The following STRIP2 variants were observed in gnomAD, a reference collection of about 807,000 sequenced individuals.
STRIP2 encodes the protein striatin-interacting protein 2.
STRIP2 carries 84 observed loss-of-function variants against 107.1 expected under a neutral mutation model. That is an observed-to-expected ratio of 0.78 (90% confidence interval 0.66 to 0.94). STRIP2 has a LOEUF of 0.94. Among genes scored for constraint, STRIP2 ranks in the 40% least tolerant of loss-of-function variants. STRIP2 has a pLI of 0.00. For synonymous variants in STRIP2, 394 were observed against 400.4 expected, an observed-to-expected ratio of 0.98 and a Z score of 0.19; for missense variants, 888 against 1,034.2, an observed-to-expected ratio of 0.86 and a Z score of 1.94.
chr7:129,441,899 AGCCACCACACCTG>A (rs1280501840), intron 2 of STRIP2, among the ~76,000 whole-genome samples: 2 of 152,198 alleles, frequency 1.3e-5, no homozygotes, highest in Non-Finnish European at 2.9e-5. Flanking sequence ...TACAGGTGTG[AGCCACCACACCTG>A]GCCTCAACAT....
rs1491462474 is a variant in STRIP2, at chr7:129,472,775, C to CTTTTTTTTTTTTTTTTTTTTTTT, written c.1944+2060_1944+2061insTTTTTTTTTTTTTTTTTTTTTTT. On this transcript the variant is annotated intron_variant, in intron 18 of 20. Coordinates refer to ENST00000249344, the MANE Select transcript of STRIP2 (RefSeq NM_020704.3). The stretch of plus-strand genomic sequence containing the variant: ...AATATATAGAATTTTCTTTTCTTTT[C>CTTTTTTTTTTTTTTTTTTTTTTT]CTTTTTTTTTTTTTTTTTTTTTTTT... Among the ~76,000 whole-genome samples the CTTTTTTTTTTTTTTTTTTTTTTT allele has an allele frequency of 3.2e-4, 22 of 68,904 alleles. 11 individuals are homozygous for CTTTTTTTTTTTTTTTTTTTTTTT. Among genetic ancestry groups the CTTTTTTTTTTTTTTTTTTTTTTT allele is most frequent in the Admixed American group, 4.6e-4 (2 of 4,320 alleles). The allele number at this position is 68,904 out of a possible 152,430, so 45.2% of individuals were successfully genotyped here.
At chr7:129,437,798 CTTGTTTTTTTTTGTT>C (rs1797783814) in intron 1 of STRIP2, among the ~76,000 whole-genome samples, 1 of 93,728 alleles carries the variant, frequency 1.1e-5, no homozygotes, top group Non-Finnish European at 2.3e-5. Flanking sequence ...CATGATTCGC[CTTGTTTTTTTTTGTT>C]TTTTTTTTTT....
At chr7:129,452,525 G>A (rs1263029252) in intron 4 of STRIP2, among the ~76,000 whole-genome samples, 2 of 152,206 alleles carry the variant, frequency 1.3e-5, no homozygotes, top group African/African-American at 4.8e-5. Context: ...CCAACTGCCA[G>A]TACCTTCATA....
At chr7:129,477,379 A>C (rs1043574022) in intron 18 of STRIP2, among the ~76,000 whole-genome samples, 4 of 152,190 alleles carry the variant, frequency 2.6e-5, no homozygotes, top group Non-Finnish European at 5.9e-5. Flanking sequence ...TCCACTTTCC[A>C]TGAGGTATTT....
chr7:129,445,449 C>T (rs1467056602), intron 3 of STRIP2, among the ~76,000 whole-genome samples: 1 of 151,976 alleles, frequency 6.6e-6, no homozygotes, highest in Non-Finnish European at 1.5e-5. Context: ...GCCAGCAGAA[C>T]GTAATGTCAC....
intron 1 of STRIP2, 98 bp downstream of exon 1, chr7:129,434,699 C>G (rs1797683860): frequency 6.7e-6 from 9 of 1,334,732 alleles, no homozygotes; most frequent in Non-Finnish European, 8.7e-6. Context: ...GCCCTCGGCG[C>G]GCTCGATCAG....
At chr7:129,436,859 A>G (rs1797754815) in intron 1 of STRIP2, among the ~76,000 whole-genome samples, 1 of 152,110 alleles carries the variant, frequency 6.6e-6, no homozygotes, top group South Asian at 2.1e-4. Flanking sequence ...GAACATCCCA[A>G]CCTAAAAAGG....
chr7:129,449,355 G>C (rs1420310393), intron 3 of STRIP2, among the ~76,000 whole-genome samples: 1 of 152,168 alleles, frequency 6.6e-6, no homozygotes. Context: ...GGCCTGCCAG[G>C]ACTTTCGTCT....
intron 4 of STRIP2, among the ~76,000 whole-genome samples, chr7:129,452,645 C>T (rs561161622): frequency 2.0e-5 from 3 of 152,312 alleles, no homozygotes; most frequent in African/African-American, 7.2e-5. Context: ...CTCCAGCCTC[C>T]TAAGTAGCTA....
In STRIP2 at chr7:129,456,600, A is replaced by G. The variant is rs1302527824; in HGVS notation, c.996A>G (p.Ala332=). ...TTGACCTGGGAGAGTCTCAGCTGGC[A>G]CCCCCACCCTCCAAGCTGCGAGGCC... ...YTLDLGESQL[A]PPPSKLRGRR... The change falls in exon 9 of 21, where the codon GCA becomes GCG. Residue 332 remains alanine, a synonymous_variant. Coordinates refer to ENST00000249344, the MANE Select transcript of STRIP2 (RefSeq NM_020704.3). 6.2e-7 allele frequency: 1 copy of G among 1,613,518 alleles called. No homozygotes were observed. Among genetic ancestry groups the G allele is most frequent in the Non-Finnish European group, 8.5e-7 (1 of 1,179,884 alleles).
chr7:129,435,065 C>A (rs1217565181), intron 1 of STRIP2, among the ~76,000 whole-genome samples: 2 of 152,108 alleles, frequency 1.3e-5, no homozygotes, highest in Non-Finnish European at 2.9e-5. Context: ...CTGCGGCGGG[C>A]CCCTGGGCCA....
chr7:129,464,255 C>T, intron 15 of STRIP2, 114 bp downstream of exon 15: 2 of 810,728 alleles, frequency 2.5e-6, no homozygotes, highest in South Asian at 1.6e-5. Flanking sequence ...AGAGATCTCC[C>T]CGTCTCTGCC....
At position 129,458,909 on chromosome 7, in the gene STRIP2, C is replaced by T; in HGVS notation, c.1340+132C>T. ...GAGCCCCTAGGCCATGGACAACTCC[C>T]AGTGACTACTTTGGGTTCTTTCTAT... On this transcript the variant is annotated intron_variant, in intron 11 of 20. Transcript: ENST00000249344. This position sits in a 1 kb window ranked among gnomAD's most constrained non-coding sequence, Gnocchi z 4.6. The T allele has an allele frequency of 1.3e-6, 1 of 746,530 alleles. No homozygotes were observed. Among genetic ancestry groups the T allele is most frequent in the South Asian group, 1.8e-5 (1 of 54,860 alleles). 46.2% of individuals were successfully genotyped at this position (746,530 alleles called of 1,614,324 possible).
intron 3 of STRIP2, among the ~76,000 whole-genome samples, chr7:129,449,079 T>C (rs1798112882): frequency 6.6e-6 from 1 of 152,160 alleles, no homozygotes; most frequent in Non-Finnish European, 1.5e-5. Flanking sequence ...TTTTAATCCA[T>C]AATTCAGCTG....
At position 129,483,571 on chromosome 7, in the gene STRIP2, TTATCTC is replaced by T. The variant is rs1333292271; in HGVS notation, c.2254+528_2254+533del. The T allele has an allele frequency of 1.9e-5, 3 of 154,716 alleles. No individual in the cohort carries two copies. Among genetic ancestry groups the T allele is most frequent in the Non-Finnish European group, 4.3e-5 (3 of 70,170 alleles). The allele number at this position is 154,716 out of a possible 1,614,324, so 9.6% of individuals were successfully genotyped here. ...TATTTTGTAATTTTCTCTTTTAACA[TTATCTC>T]TACCTTTTCATGTCAGTACATTTTC... is the stretch of plus-strand genomic sequence containing the variant. On this transcript the variant is annotated intron_variant, in intron 20 of 20. Coordinates refer to ENST00000249344, the MANE Select transcript of STRIP2 (RefSeq NM_020704.3). The surrounding 1 kb of genome is among the most constrained non-coding windows in gnomAD (Gnocchi z 5.1).
chr7:129,451,845 AG>A, intron 4 of STRIP2, 98 bp downstream of exon 4: 1 of 1,461,344 alleles, frequency 6.8e-7, no homozygotes, highest in Non-Finnish European at 9.4e-7. Flanking sequence ...TGGGAAAGCA[AG>A]GTTTCTTGCC....
chr7:129,463,620 C>T (rs1271866623), intron 14 of STRIP2, among the ~76,000 whole-genome samples: 1 of 152,150 alleles, frequency 6.6e-6, no homozygotes, highest in Non-Finnish European at 1.5e-5. Flanking sequence ...CTCAGCCTCC[C>T]GAATAGCTGG....
In STRIP2 at chr7:129,483,878, A is replaced by C. The variant is rs1273850250; in HGVS notation, c.2254+832A>C. Among the ~76,000 whole-genome samples, 3 of 152,068 alleles carry C rather than the reference A, an allele frequency of 2.0e-5. No homozygotes were observed. The highest frequency in any genetic ancestry group is 2.9e-5 in the Non-Finnish European group (2 of 67,986). On this transcript the variant is annotated intron_variant, in intron 20 of 20. Coordinates refer to ENST00000249344, the MANE Select transcript of STRIP2 (RefSeq NM_020704.3). The surrounding 1 kb of genome is among the most constrained non-coding windows in gnomAD (Gnocchi z 5.1). ...TCCCAGCTGCCAAGTAGCTGGGACT[A>C]CAGATGCATACCACCACTACACCCG...
rs1367675265 is a variant in STRIP2, at chr7:129,444,062, A to T, written c.238A>T (p.Asn80Tyr). Residue 80 changes from asparagine to tyrosine, a missense_variant, in exon 3 of 21, where the codon AAC becomes TAC. Coordinates refer to ENST00000249344, the MANE Select transcript of STRIP2 (RefSeq NM_020704.3). ...CACTGAGAACCTGGAATTCACCAAT[A>T]ACAGGAGGTGCTTTGAAGAAGATTT... Reference protein sequence around the residue: ...SYTENLEFTNNRRCFEEDFKT... With the variant: ...SYTENLEFTNYRRCFEEDFKT... The T allele has an allele frequency of 6.2e-7, 1 of 1,613,848 alleles. No homozygotes were observed. The highest frequency in any genetic ancestry group is 1.7e-5 in the Admixed American group (1 of 60,000).
Sources: allele counts gnomAD v4.1 joint callset (sites outside exome capture counted in the v4.1 genomes callset), GRCh38; gene constraint gnomAD v4.1.1; non-coding constraint Gnocchi (gnomAD v3.1); transcripts MANE v1.5; gene names NCBI Gene and HGNC (gene_info 2026-07-23, HGNC 2026-07-21).